The following DOCK6 variants were observed in gnomAD, a reference collection of about 807,000 sequenced individuals.
DOCK6 encodes the protein dedicator of cytokinesis protein 6.
A neutral mutation model predicts 230.3 loss-of-function variants in DOCK6; 167 were observed. That is an observed-to-expected ratio of 0.73 (90% CI 0.64 to 0.82). DOCK6 has a LOEUF of 0.82. DOCK6 is among the 40% of genes least tolerant of loss of function. DOCK6 has a pLI of 0.00. For synonymous variants in DOCK6, 1,148 were observed against 1,185.0 expected, an observed-to-expected ratio of 0.97 and a Z score of 0.64; for missense variants, 2,598 against 2,825.8, an observed-to-expected ratio of 0.92 and a Z score of 1.83.
chr19:11,237,933 CT>C, intron 16 of DOCK6, 111 bp downstream of exon 16: 1 of 1,438,494 alleles, frequency 7.0e-7, no homozygotes. Context: ...GCCTCTACCT[CT>C]CTTCTTCCTG....
chr19:11,215,484 GGTGCACGATCACAGATGC>G lies in DOCK6; in HGVS notation c.4022-31_4022-14del, dbSNP rs757075865. 5.0e-6 allele frequency: 8 copies of G among 1,609,250 alleles called. No individual in the cohort carries two copies. The East Asian group carries it at 1.8e-4, about 36-fold the overall frequency. On this transcript the variant is annotated splice_polypyrimidine_tract_variant and intron_variant, in intron 31 of 47. Transcript: ENST00000294618. ...AACGGGCTCCTCTCTGAGACGCGTG[GGTGCACGATCACAGATGC>G]GTAAAAACACAGGGCACACGTGAAC...
chr19:11,245,406 CA>C (rs1301029187), intron 9 of DOCK6, among the ~76,000 whole-genome samples, 156 bp downstream of exon 9: 17 of 152,296 alleles, frequency 1.1e-4, no homozygotes, highest in African/African-American at 3.8e-4. Flanking sequence ...GATTTCTCCC[CA>C]CCTGAGTTGG....
At chr19:11,217,713 G>A (rs867704795) in intron 28 of DOCK6, among the ~76,000 whole-genome samples, 132 of 145,516 alleles carry the variant, frequency 9.1e-4, no homozygotes, top group Middle Eastern at 3.8e-3. Context: ...AGCCGAGATC[G>A]CGCCACTGCA....
At chr19:11,225,319 G>A (rs965480784) in intron 24 of DOCK6, among the ~76,000 whole-genome samples, 5 of 152,208 alleles carry the variant, frequency 3.3e-5, no homozygotes, top group African/African-American at 1.2e-4. Context: ...CCCTGGGAAT[G>A]TCAGTCTTTG....
intron 1 of DOCK6, among the ~76,000 whole-genome samples, chr19:11,256,355 G>A (rs1056147904): frequency 1.3e-5 from 2 of 152,164 alleles, no homozygotes; most frequent in African/African-American, 4.8e-5. Context: ...AGGGACGGCT[G>A]GGCCTCCAGC....
intron 14 of DOCK6, 23 bp from the exon 15 acceptor site, chr19:11,238,327 G>A (rs1160725926): frequency 6.3e-7 from 1 of 1,580,052 alleles, no homozygotes; most frequent in Non-Finnish European, 8.6e-7. Context: ...GGATGGGGGT[G>A]TCAGAGGGAC....
At chr19:11,216,167 T>C (rs547725270) in intron 30 of DOCK6, 8 of 323,386 alleles carry the variant, frequency 2.5e-5, no homozygotes, top group Admixed American at 2.3e-4. Flanking sequence ...TCTTGGCTCA[T>C]TGCAACCTCC....
chr19:11,202,792 C>A lies in DOCK6; in HGVS notation c.5236-83G>T. 2 of 1,599,460 alleles carry A rather than the reference C, an allele frequency of 1.3e-6. No homozygotes were observed. The highest frequency in any genetic ancestry group is 1.7e-5 in the Admixed American group (1 of 59,990). On this transcript the variant is annotated intron_variant, in intron 41 of 47. Coordinates refer to ENST00000294618, the MANE Select transcript of DOCK6 (RefSeq NM_020812.4). This position sits in a 1 kb window ranked among gnomAD's most constrained non-coding sequence, Gnocchi z 5.3. ...CCCCAGAGATAGGTGTCTCGAATAT[C>A]AGGATGGGAGTGTGAGGACCCCGAG...
rs1193730695 is a variant in DOCK6, at chr19:11,245,805, C to G, written c.873+7G>C. ...AAGGGGAGGAAAGAGAAAAAAGGGCCTCCTACCTTCTTTTTCTCCCGCACA... is the reference window on the plus strand; with the variant it reads ...AAGGGGAGGAAAGAGAAAAAAGGGCGTCCTACCTTCTTTTTCTCCCGCACA... On this transcript the variant is annotated splice_region_variant and intron_variant, in intron 8 of 47. Coordinates refer to ENST00000294618, the MANE Select transcript of DOCK6 (RefSeq NM_020812.4). The G allele has an allele frequency of 4.4e-6, 7 of 1,579,912 alleles. No homozygotes were observed. The highest frequency in any genetic ancestry group is 8.6e-7 in the Non-Finnish European group (1 of 1,162,544).
intron 23 of DOCK6, 142 bp downstream of exon 23, chr19:11,228,798 G>A (rs2079714705): frequency 5.9e-6 from 4 of 679,268 alleles, no homozygotes; most frequent in South Asian, 1.8e-5. Context: ...TCCTGACCTC[G>A]TGATCCGCCC....
At chr19:11,259,995 T>G (rs974648172) in intron 1 of DOCK6, among the ~76,000 whole-genome samples, 1 of 150,642 alleles carries the variant, frequency 6.6e-6, no homozygotes, top group Middle Eastern at 3.4e-3. Context: ...GTGATCCTCC[T>G]GCCTCAGCCT....
In DOCK6 at chr19:11,199,320, A is replaced by T. The variant is rs1010979080; in HGVS notation, c.*177T>A. 8.0e-6 allele frequency: 6 copies of T among 752,052 alleles called. No homozygotes were observed. Among genetic ancestry groups the T allele is most frequent in the African/African-American group, 3.6e-5 (2 of 56,264 alleles). The allele number at this position is 752,052 out of a possible 1,614,324, so 46.6% of individuals were successfully genotyped here. On this transcript the variant is annotated 3_prime_UTR_variant, in exon 48 of 48. Coordinates refer to ENST00000294618, the MANE Select transcript of DOCK6 (RefSeq NM_020812.4). ...TTGCTTATAAAAACCATTTTAAATT[A>T]AAAAAGGGAGGAAGCATCAGTGCAC...
At chr19:11,237,930 CCT>C (rs1327674443) in intron 16 of DOCK6, 113 bp downstream of exon 16, 2 of 1,430,570 alleles carry the variant, frequency 1.4e-6, no homozygotes, top group African/African-American at 1.4e-5. Flanking sequence ...GGAGCCTCTA[CCT>C]CTCTTCTTCC....
At chr19:11,228,325 C>A (rs1257793132) in intron 23 of DOCK6, among the ~76,000 whole-genome samples, 1 of 151,788 alleles carries the variant, frequency 6.6e-6, no homozygotes, top group Non-Finnish European at 1.5e-5. Context: ...CTTTCTCTCT[C>A]TATCCAGGAA....
intron 28 of DOCK6, among the ~76,000 whole-genome samples, chr19:11,218,542 A>C (rs1429781401): frequency 2.6e-5 from 4 of 151,698 alleles, no homozygotes; most frequent in African/African-American, 9.7e-5. Flanking sequence ...CAACCTCCTG[A>C]ACTCAAGTGA....
chr19:11,240,456 A>G (rs2079925634), intron 14 of DOCK6, among the ~76,000 whole-genome samples: 1 of 152,072 alleles, frequency 6.6e-6, no homozygotes, highest in Non-Finnish European at 1.5e-5. Context: ...TGTGTGCCTC[A>G]GTTTCCCTTT....
intron 23 of DOCK6, among the ~76,000 whole-genome samples, chr19:11,227,723 G>T (rs947641203): frequency 6.6e-6 from 1 of 152,106 alleles, no homozygotes; most frequent in African/African-American, 2.4e-5. Flanking sequence ...TGTGGGTGGG[G>T]CTTGTGACCT....
chr19:11,232,027 A>G (rs12979813), intron 22 of DOCK6, among the ~76,000 whole-genome samples: 44,207 of 152,056 alleles, frequency 0.29, 7,970 homozygotes, highest in African/African-American at 0.52. Flanking sequence ...ACCCAGTGAT[A>G]CCTAAACACA....
chr19:11,258,851 G>T (rs2080239412), intron 1 of DOCK6, among the ~76,000 whole-genome samples: 1 of 151,370 alleles, frequency 6.6e-6, no homozygotes, highest in Non-Finnish European at 1.5e-5. Flanking sequence ...CCACGTCCCG[G>T]GTTCAAGTGA....
Sources: gnomAD v4.1 joint callset for allele counts (sites outside exome capture counted in the v4.1 genomes callset) on GRCh38, gnomAD v4.1.1 for gene constraint, Gnocchi (gnomAD v3.1) non-coding constraint, MANE v1.5 for transcripts, NCBI Gene and HGNC (gene_info 2026-07-23, HGNC 2026-07-21) for gene names.